ATP2B2: variants seen among roughly 807,000 people sequenced by gnomAD.
ATP2B2 encodes ATPase plasma membrane Ca2+ transporting 2, also known as plasma membrane calcium-transporting ATPase 2.
In ATP2B2, 15 loss-of-function variants were observed where a neutral mutation model predicts 120.0. The observed-to-expected ratio is 0.12, with a 90% confidence interval of 0.08 to 0.19. ATP2B2 has a LOEUF of 0.19. Among genes scored for constraint, ATP2B2 ranks in the 10% least tolerant of loss-of-function variants. The probability of loss-of-function intolerance (pLI) is 1.00; values close to 1 mark genes in which losing one functional copy is unlikely to be tolerated. For missense variants in ATP2B2, 1,045 were observed against 1,719.8 expected (o/e 0.61, Z 6.94); for synonymous variants, 694 against 700.3 (o/e 0.99, Z 0.14).
intron 1 of ATP2B2, among the ~76,000 whole-genome samples, chr3:10,648,698 A>G (rs1030583156): frequency 6.6e-6 from 1 of 152,270 alleles, no homozygotes; most frequent in African/African-American, 2.4e-5. Flanking sequence ...CCACTATGTC[A>G]TCCAGAGACA....
intron 2 of ATP2B2, among the ~76,000 whole-genome samples, chr3:10,428,776 G>C (rs2063219755): frequency 6.6e-6 from 1 of 152,186 alleles, no homozygotes; most frequent in South Asian, 2.1e-4. Context: ...CGCCTACCCT[G>C]GCAGGCTGAG....
chr3:10,388,210 C>T lies in ATP2B2; in HGVS notation c.907+67G>A, dbSNP rs530095539. ...CTCAATAACTATTTTGTTGAGTGAA[C>T]AAATAAACAAAAAAAAAATGTGGCC... On this transcript the variant is annotated intron_variant, in intron 6 of 22. Coordinates refer to ENST00000360273, the MANE Select transcript of ATP2B2 (RefSeq NM_001001331.4). The T allele has an allele frequency of 9.1e-4, 1,467 of 1,609,086 alleles. 6 individuals carry two copies. Among genetic ancestry groups the T allele is most frequent in the South Asian group, 4.7e-3 (425 of 90,846 alleles).
At chr3:10,488,232 CCTATCCATCCATCCATCCATCCAT>C (rs2065779338) in intron 1 of ATP2B2, among the ~76,000 whole-genome samples, 1 of 94,824 alleles carries the variant, frequency 1.1e-5, no homozygotes, top group East Asian at 2.7e-4. Flanking sequence ...CACTCATCCA[CCTATCCATCCATCCATCCATCCAT>C]CCATCCATCC....
At chr3:10,463,781 G>A (rs566227858) in intron 1 of ATP2B2, among the ~76,000 whole-genome samples, 1 of 152,332 alleles carries the variant, frequency 6.6e-6, no homozygotes, top group Admixed American at 6.5e-5. Context: ...TCCCACTGAG[G>A]ATCCTTATGG....
chr3:10,352,684 C>T (rs983816723), intron 14 of ATP2B2, among the ~76,000 whole-genome samples: 37 of 152,222 alleles, frequency 2.4e-4, no homozygotes, highest in Non-Finnish European at 2.9e-4. Flanking sequence ...CATAAGCAAA[C>T]GTGACCTCAT....
intron 2 of ATP2B2, among the ~76,000 whole-genome samples, chr3:10,441,347 C>G (rs528616462): frequency 6.6e-6 from 1 of 152,288 alleles, no homozygotes; most frequent in South Asian, 2.1e-4. Context: ...TCAAGTGATT[C>G]TTGTGTCTCA....
At chr3:10,631,025 TA>T (rs2069849053) in intron 1 of ATP2B2, among the ~76,000 whole-genome samples, 1 of 152,194 alleles carries the variant, frequency 6.6e-6, no homozygotes, top group South Asian at 2.1e-4. Context: ...AGGGAGTAGT[TA>T]TGAGCACAGA....
At chr3:10,562,944 A>G (rs2067934948) in intron 2 of ATP2B2, among the ~76,000 whole-genome samples, 1 of 152,230 alleles carries the variant, frequency 6.6e-6, no homozygotes, top group East Asian at 1.9e-4. Context: ...ACTCAAAACC[A>G]AATTTAAAGC....
intron 1 of ATP2B2, among the ~76,000 whole-genome samples, chr3:10,705,612 G>A (rs1485643825): frequency 6.6e-6 from 1 of 152,260 alleles, no homozygotes; most frequent in Non-Finnish European, 1.5e-5. Flanking sequence ...TGGTAGCCCA[G>A]CAGGTCAGTA....
At chr3:10,584,102 G>A (rs1372916839) in intron 2 of ATP2B2, among the ~76,000 whole-genome samples, 3 of 152,140 alleles carry the variant, frequency 2.0e-5, no homozygotes, top group Admixed American at 6.6e-5. Flanking sequence ...AGAAACTTGC[G>A]AGGAAGAGAG....
intron 3 of ATP2B2, among the ~76,000 whole-genome samples, chr3:10,522,633 G>A (rs914293268): frequency 3.9e-5 from 6 of 152,194 alleles, no homozygotes; most frequent in East Asian, 3.8e-4. Flanking sequence ...GCTGAATCCC[G>A]AACAGGAGTA....
chr3:10,575,459 T>C (rs1443397116), intron 2 of ATP2B2, among the ~76,000 whole-genome samples: 2 of 152,164 alleles, frequency 1.3e-5, no homozygotes, highest in East Asian at 3.8e-4. Context: ...AGTCTTTAGA[T>C]AAGAGTTTCA....
At chr3:10,512,697 G>A (rs1342075523) in intron 3 of ATP2B2, among the ~76,000 whole-genome samples, 3 of 152,202 alleles carry the variant, frequency 2.0e-5, no homozygotes. Flanking sequence ...CTCACTCCCT[G>A]TGAGGTTTGC....
intron 2 of ATP2B2, among the ~76,000 whole-genome samples, chr3:10,607,351 G>A (rs1026948918): frequency 6.6e-6 from 1 of 152,172 alleles, no homozygotes; most frequent in Non-Finnish European, 1.5e-5. Flanking sequence ...GGCACTCCCA[G>A]ACCTCCAGCC....
At chr3:10,605,657 T>TG (rs1443225547) in intron 2 of ATP2B2, among the ~76,000 whole-genome samples, 1 of 150,944 alleles carries the variant, frequency 6.6e-6, no homozygotes, top group Non-Finnish European at 1.5e-5. Context: ...TTTACAGTTT[T>TG]TTTTTTTTTG....
At chr3:10,623,730 T>C (rs2069614572) in intron 1 of ATP2B2, among the ~76,000 whole-genome samples, 1 of 152,172 alleles carries the variant, frequency 6.6e-6, no homozygotes, top group African/African-American at 2.4e-5. Context: ...TCATGAGTCA[T>C]TGGCTCCAGG....
rs111918961 is a variant in ATP2B2, at chr3:10,351,949, A to C, written c.2137-1372T>G. Among the ~76,000 whole-genome samples the C allele has an allele frequency of 4.7e-3, 715 of 152,326 alleles. 8 individuals carry two copies. Among genetic ancestry groups the C allele is most frequent in the African/African-American group, 0.016 (684 of 41,572 alleles). On this transcript the variant is annotated intron_variant, in intron 14 of 22. Transcript: ENST00000360273. ...GGTCTCAAACAGATGTACAGCCTTC[A>C]GGACTGTGAGACAGCAAACTGCTCT...
chr3:10,385,668 TGAG>T (rs1319637506), intron 7 of ATP2B2, among the ~76,000 whole-genome samples: 2 of 152,118 alleles, frequency 1.3e-5, no homozygotes, highest in South Asian at 2.1e-4. Flanking sequence ...CTCCATGAAA[TGAG>T]GAGATCTGGC....
intron 2 of ATP2B2, among the ~76,000 whole-genome samples, chr3:10,432,363 G>C (rs746964221): frequency 1.2e-4 from 18 of 152,234 alleles, no homozygotes; most frequent in Non-Finnish European, 2.4e-4. Flanking sequence ...CCTGAAGCCT[G>C]GCAGGCTCCC....
Sources: gnomAD v4.1 joint callset for allele counts (sites outside exome capture counted in the v4.1 genomes callset) on GRCh38, gnomAD v4.1.1 for gene constraint, MANE v1.5 for transcripts, NCBI Gene and HGNC (gene_info 2026-07-23, HGNC 2026-07-21) for gene names.